ABLIM1: variants seen among roughly 807,000 people sequenced by gnomAD.
ABLIM1 encodes the protein actin-binding LIM protein 1.
A neutral mutation model predicts 107.0 loss-of-function variants in ABLIM1; 40 were observed. The ratio of observed to expected loss-of-function variants is 0.37; its 90% CI spans 0.29 to 0.49. The LOEUF is 0.49. Ranked by LOEUF, ABLIM1 falls within the 20% of genes least tolerant of loss-of-function variation. ABLIM1 has a pLI of 0.97. For missense variants in ABLIM1, 857 were observed against 1,008.5 expected (o/e 0.85, Z 2.04); for synonymous variants, 357 against 357.3 (o/e 1.00, Z 0.01).
At chr10:114,636,515 G>GCTTGA (rs1308087269) in intron 1 of ABLIM1, among the ~76,000 whole-genome samples, 16 of 152,196 alleles carry the variant, frequency 1.1e-4, no homozygotes, top group African/African-American at 3.9e-4. Context: ...TTAGCAGACA[G>GCTTGA]CTTGACATGG....
chr10:114,753,422 T>A (rs1215069497), intron 1 of ABLIM1, among the ~76,000 whole-genome samples: 2 of 152,222 alleles, frequency 1.3e-5, no homozygotes, highest in African/African-American at 4.8e-5. Context: ...AGACATTCAG[T>A]GCAGCATTGT....
intron 1 of ABLIM1, among the ~76,000 whole-genome samples, chr10:114,766,976 C>T (rs2082910066): frequency 6.6e-6 from 1 of 152,136 alleles, no homozygotes; most frequent in African/African-American, 2.4e-5. Context: ...TCCTTTCCAC[C>T]CCATTTCTAG....
intron 2 of ABLIM1, among the ~76,000 whole-genome samples, chr10:114,586,282 T>C (rs2074183864): frequency 6.6e-6 from 1 of 152,190 alleles, no homozygotes. Context: ...GTGCTGTGTA[T>C]AGCGCTGGGC....
intron 6 of ABLIM1, chr10:114,526,779 G>C (rs1366469930): frequency 1.0e-6 from 1 of 985,502 alleles, no homozygotes; most frequent in Non-Finnish European, 1.2e-6. Flanking sequence ...ACCTCAGCCC[G>C]ACAGACTGAG....
At chr10:114,544,903 G>T in intron 6 of ABLIM1, 102 bp downstream of exon 6, 1 of 1,087,546 alleles carries the variant, frequency 9.2e-7, no homozygotes, top group Non-Finnish European at 1.4e-6. Flanking sequence ...CTCCACAGGT[G>T]AAAAAAAGAT....
chr10:114,495,620 GTGC>G (rs554585306), intron 6 of ABLIM1, among the ~76,000 whole-genome samples: 2 of 151,920 alleles, frequency 1.3e-5, no homozygotes, highest in Non-Finnish European at 1.5e-5. Flanking sequence ...GGTGATGACG[GTGC>G]TGCTGCTGCT....
chr10:114,659,870 T>C (rs1251757727), upstream of ABLIM1, among the ~76,000 whole-genome samples: 1 of 152,174 alleles, frequency 6.6e-6, no homozygotes. Flanking sequence ...TGACTCTTCC[T>C]ATCCAATAGT....
intron 1 of ABLIM1, among the ~76,000 whole-genome samples, chr10:114,602,812 G>C (rs2076122514): frequency 6.6e-6 from 1 of 152,162 alleles, no homozygotes; most frequent in Non-Finnish European, 1.5e-5. Context: ...CCAGAGTGTG[G>C]CCTTCAGAGA....
chr10:114,731,753 G>A (rs562621605), intron 1 of ABLIM1, among the ~76,000 whole-genome samples: 1 of 152,174 alleles, frequency 6.6e-6, no homozygotes, highest in East Asian at 1.9e-4. Flanking sequence ...AGGATTACAG[G>A]CGGGTGCCAC....
At chr10:114,798,555 G>GTCCC in the ABLIM1 span, among the ~76,000 whole-genome samples, 1 of 73,814 alleles carries the variant, frequency 1.4e-5, no homozygotes, top group African/African-American at 5.6e-5. Flanking sequence ...AAGATGATGA[G>GTCCC]ACCCCCCCCC....
chr10:114,462,622 G>A lies in ABLIM1; in HGVS notation c.1441+3076C>T, dbSNP rs118111847. On this transcript the variant is annotated intron_variant, in intron 12 of 22. Transcript: ENST00000533213. ...GTTAATATGGTCATGGTTTATCACC[G>A]GTAAGACAACTTTTGGATATCTGTT... 9.0e-3 allele frequency among the ~76,000 whole-genome samples: 1,364 copies of A among 152,184 alleles called. 12 individuals carry two copies. Among genetic ancestry groups the A allele is most frequent in the Non-Finnish European group, 0.014 (976 of 68,002 alleles).
At chr10:114,706,697 C>T (rs2141903073) in intron 1 of ABLIM1, among the ~76,000 whole-genome samples, 1 of 152,310 alleles carries the variant, frequency 6.6e-6, no homozygotes, top group African/African-American at 2.4e-5. Flanking sequence ...AGCAGGGTTA[C>T]AAGAGATAAC....
intron 3 of ABLIM1, among the ~76,000 whole-genome samples, chr10:114,573,052 T>C (rs1281976664): frequency 6.6e-6 from 1 of 152,208 alleles, no homozygotes; most frequent in African/African-American, 2.4e-5. Context: ...CAGAATCCAG[T>C]TCTCAACTTG....
chr10:114,542,872 G>T (rs185735823), intron 6 of ABLIM1, among the ~76,000 whole-genome samples: 131 of 152,340 alleles, frequency 8.6e-4, no homozygotes, highest in African/African-American at 3.1e-3. Context: ...CTCCCCATCA[G>T]GTGGGTCCCA....
In ABLIM1 at chr10:114,473,122, T is replaced by C. The variant is rs1469896098; in HGVS notation, c.1130A>G (p.Asp377Gly). ...SPGHTIYAKV[D>G]NEILDYKDLA... ...ATCCTTGTAATCCAGGATCTCATTGTCTACTTTTGCCTGGCAAAGTTAACC... is the reference window on the plus strand; with the variant it reads ...ATCCTTGTAATCCAGGATCTCATTGCCTACTTTTGCCTGGCAAAGTTAACC... Residue 377 changes from aspartate (D) to glycine (G), a missense_variant, in exon 10 of 23, where the codon GAC becomes GGC. Coordinates refer to ENST00000533213, the MANE Select transcript of ABLIM1 (RefSeq NM_002313.7). The C allele has an allele frequency of 1.9e-6, 3 of 1,608,772 alleles. No individual in the cohort carries two copies. Among genetic ancestry groups the C allele is most frequent in the Non-Finnish European group, 2.5e-6 (3 of 1,176,970 alleles).
At chr10:114,787,104 G>C in the ABLIM1 span, among the ~76,000 whole-genome samples, 9 of 151,422 alleles carry the variant, frequency 5.9e-5, no homozygotes, top group Non-Finnish European at 1.0e-4. Flanking sequence ...GTCTCTGCCC[G>C]GCTGCCCATC....
intron 4 of ABLIM1, among the ~76,000 whole-genome samples, chr10:114,562,346 G>A (rs892083285): frequency 2.3e-4 from 35 of 152,108 alleles, no homozygotes; most frequent in Non-Finnish European, 4.6e-4. Flanking sequence ...TGGCTAACAC[G>A]GTGAAACCCC....
At chr10:114,678,675 C>T (rs1440745321) in intron 1 of ABLIM1, among the ~76,000 whole-genome samples, 1 of 152,178 alleles carries the variant, frequency 6.6e-6, no homozygotes, top group African/African-American at 2.4e-5. Context: ...AAAAAGTATG[C>T]TTTAGGCTAA....
rs375525085 is a variant in ABLIM1 at position 114,700,644 on chromosome 10, T to A, written c.-213+67417A>T. Among the ~76,000 whole-genome samples, 3 of 152,168 alleles carry A rather than the reference T, an allele frequency of 2.0e-5. No homozygotes were observed. The East Asian group carries it at 5.8e-4, about 29-fold the overall frequency. ...CCAGAAACAGATCTACACTTATAAA[T>A]GATTGACTGGTTCTTTGCAAAGGCC... On this transcript the variant is annotated intron_variant, in intron 1 of 15. Coordinates refer to the ABLIM1 transcript ENST00000651092.
Sources: gnomAD v4.1 joint callset for allele counts (sites outside exome capture counted in the v4.1 genomes callset) on GRCh38, gnomAD v4.1.1 for gene constraint, MANE v1.5 for transcripts, NCBI Gene and HGNC (gene_info 2026-07-23, HGNC 2026-07-21) for gene names.